CNKSR3: variants seen among roughly 807,000 people sequenced by gnomAD.
CNKSR3 encodes CNKSR family member 3, also known as connector enhancer of kinase suppressor of ras 3.
In CNKSR3, 36 loss-of-function variants were observed where a neutral mutation model predicts 67.7. That is an observed-to-expected ratio of 0.53 (90% CI 0.41 to 0.70). CNKSR3 has a LOEUF of 0.70. Ranked by LOEUF, CNKSR3 falls within the 30% of genes least tolerant of loss-of-function variation. The pLI is 0.00. For missense variants in CNKSR3, 630 were observed against 695.2 expected (o/e 0.91, Z 1.05); for synonymous variants, 281 against 271.4 (o/e 1.04, Z -0.35).
chr6:154,510,468 T>G lies in CNKSR3; in HGVS notation c.-354A>C. 4.4e-5 allele frequency: 14 copies of G among 315,582 alleles called. No homozygotes were observed. Among genetic ancestry groups the G allele is most frequent in the Middle Eastern group, 9.6e-4 (1 of 1,042 alleles). 19.5% of individuals were successfully genotyped at this position (315,582 alleles called of 1,614,324 possible). On this transcript the variant is annotated 5_prime_UTR_variant, in exon 1 of 13. Transcript: ENST00000607772. Reference sequence around the variant, plus strand: ...CGGGAGCCTCCCGGCCCGCGACCACTTCCTCGGATCTCTCGAGGCGCGATC... The same window carrying G: ...CGGGAGCCTCCCGGCCCGCGACCACGTCCTCGGATCTCTCGAGGCGCGATC...
chr6:154,424,988 T>A (rs955832821), intron 7 of CNKSR3, among the ~76,000 whole-genome samples: 1 of 152,226 alleles, frequency 6.6e-6, no homozygotes, highest in African/African-American at 2.4e-5. Context: ...GCCAGGCTGA[T>A]CTTGAACTCT....
In CNKSR3 at chr6:154,406,339, T is replaced by A. The variant is rs765250801; in HGVS notation, c.*15A>T. ...TGGGGCAGGAGCCAGGCAGGTGGCCTGAGCAGGGTCCCTCTCAGTGAGTCA... is the reference window on the plus strand; with the variant it reads ...TGGGGCAGGAGCCAGGCAGGTGGCCAGAGCAGGGTCCCTCTCAGTGAGTCA... On this transcript the variant is annotated 3_prime_UTR_variant, in exon 13 of 13. Transcript: ENST00000607772. 1 of 1,600,400 alleles carries A rather than the reference T, an allele frequency of 6.2e-7. No individual in the cohort carries two copies. Among genetic ancestry groups the A allele is most frequent in the Non-Finnish European group, 8.5e-7 (1 of 1,173,634 alleles).
At chr6:154,434,523 AAGG>A (rs1785431438) in intron 4 of CNKSR3, among the ~76,000 whole-genome samples, 1 of 152,184 alleles carries the variant, frequency 6.6e-6, no homozygotes, top group Admixed American at 6.5e-5. Flanking sequence ...ACTACTTCTG[AAGG>A]AGGAAGATGC....
At chr6:154,411,202 T>C in intron 10 of CNKSR3, 60 bp from the exon 11 acceptor site, 1 of 1,191,384 alleles carries the variant, frequency 8.4e-7, no homozygotes, top group Non-Finnish European at 1.2e-6. Flanking sequence ...TACTGAAGAA[T>C]TCCAGCAGTG....
At chr6:154,458,087 T>G (rs998009749) in intron 1 of CNKSR3, among the ~76,000 whole-genome samples, 2 of 152,198 alleles carry the variant, frequency 1.3e-5, no homozygotes, top group African/African-American at 4.8e-5. Flanking sequence ...TCTGGCTGCT[T>G]TTGTACTACA....
At chr6:154,410,706 C>A (rs1389561176) in intron 11 of CNKSR3, among the ~76,000 whole-genome samples, 1 of 152,200 alleles carries the variant, frequency 6.6e-6, no homozygotes, top group East Asian at 1.9e-4. Flanking sequence ...AAAACTGTAA[C>A]ATGATCTCAC....
chr6:154,419,393 A>G (rs1388727311), intron 9 of CNKSR3, among the ~76,000 whole-genome samples: 1 of 152,196 alleles, frequency 6.6e-6, no homozygotes, highest in African/African-American at 2.4e-5. Context: ...CAACAGAGAT[A>G]TGAAAAAATG....
intron 6 of CNKSR3, 40 bp from the exon 7 acceptor site, chr6:154,428,227 GT>G: frequency 1.5e-6 from 2 of 1,299,200 alleles, no homozygotes; most frequent in Non-Finnish European, 2.2e-6. Flanking sequence ...TTACTCCAAC[GT>G]TTAGAGACAT....
rs1271165519 is a variant in CNKSR3, at chr6:154,405,852, T to A, written c.*502A>T. The A allele has an allele frequency of 6.3e-6, 1 of 158,560 alleles. No individual in the cohort carries two copies. Among genetic ancestry groups the A allele is most frequent in the Non-Finnish European group, 1.4e-5 (1 of 71,838 alleles). 9.8% of individuals were successfully genotyped at this position (158,560 alleles called of 1,614,324 possible). A position where few individuals can be genotyped will look rare whatever the true frequency, so the allele number is the denominator to read the frequency against. On this transcript the variant is annotated 3_prime_UTR_variant, in exon 13 of 13. Transcript: ENST00000607772. ...GAGAAATCAGATACTTGCCACGTTA[T>A]TGCAAAGTCAAAGCTGCTACACTTA...
intron 1 of CNKSR3, among the ~76,000 whole-genome samples, chr6:154,509,528 T>A (rs112276205): frequency 0.016 from 2,370 of 152,304 alleles, 29 homozygotes; most frequent in Middle Eastern, 0.024. Context: ...GTGTTGGCTT[T>A]TGCGCGGCCC....
chr6:154,450,274 A>C lies in CNKSR3; in HGVS notation c.53-16T>G, dbSNP rs1350600883. ...TCATCCAACCCTGCCAAAAACAATC[A>C]GAAGTCCCATTATTGCCATTTTGTT... On this transcript the variant is annotated splice_polypyrimidine_tract_variant and intron_variant, in intron 1 of 12. Transcript: ENST00000607772. 6.2e-7 allele frequency: 1 copy of C among 1,612,310 alleles called. No homozygotes were observed. The highest frequency in any genetic ancestry group is 1.7e-5 in the Admixed American group (1 of 59,962).
At chr6:154,491,483 T>C (rs1279820850) in intron 1 of CNKSR3, among the ~76,000 whole-genome samples, 1 of 152,246 alleles carries the variant, frequency 6.6e-6, no homozygotes, top group African/African-American at 2.4e-5. Flanking sequence ...ACATATGATT[T>C]CATGGCATTC....
At chr6:154,442,594 C>G (rs1785623017) in intron 2 of CNKSR3, among the ~76,000 whole-genome samples, 1 of 152,152 alleles carries the variant, frequency 6.6e-6, no homozygotes, top group Admixed American at 6.5e-5. Flanking sequence ...TGCACTCCAG[C>G]CTGGGCAACA....
intron 4 of CNKSR3, among the ~76,000 whole-genome samples, chr6:154,438,577 C>T (rs1740531860): frequency 6.6e-6 from 1 of 152,058 alleles, no homozygotes. Flanking sequence ...TTATAAGTGA[C>T]TCGTCCAAGG....
chr6:154,458,238 C>G (rs1409275935), intron 1 of CNKSR3, among the ~76,000 whole-genome samples: 1 of 152,154 alleles, frequency 6.6e-6, no homozygotes, highest in Non-Finnish European at 1.5e-5. Flanking sequence ...CTCTGCCGAC[C>G]AGAAAAATAG....
intron 1 of CNKSR3, chr6:154,478,293 T>A (rs1200560143): frequency 6.6e-6 from 1 of 152,576 alleles, no homozygotes; most frequent in South Asian, 2.1e-4. Flanking sequence ...TGCATTTGCA[T>A]TTGCTCTTCT....
At chr6:154,422,697 C>T (rs762671090) in intron 8 of CNKSR3, 45 bp from the exon 9 acceptor site, 22 of 1,594,636 alleles carry the variant, frequency 1.4e-5, no homozygotes, top group South Asian at 8.9e-5. Flanking sequence ...TCATGAATAA[C>T]GAAAAAAACC....
At position 154,471,823 on chromosome 6, in the gene CNKSR3, C is replaced by A. The variant is rs568942996; in HGVS notation, c.53-21565G>T. ...CTCACTTTGAGAGACCCTGCCATAA[C>A]GCTTCAGGAAATGCCAGTCCTGAAA... On this transcript the variant is annotated intron_variant, in intron 1 of 12. Coordinates refer to ENST00000607772, the MANE Select transcript of CNKSR3 (RefSeq NM_173515.4). 5.9e-5 allele frequency among the ~76,000 whole-genome samples: 9 copies of A among 152,224 alleles called. No homozygotes were observed. In the South Asian group the frequency reaches 1.5e-3, roughly 25 times the overall value.
At chr6:154,473,499 C>T (rs940775929) in intron 1 of CNKSR3, among the ~76,000 whole-genome samples, 5 of 152,110 alleles carry the variant, frequency 3.3e-5, no homozygotes, top group African/African-American at 1.2e-4. Flanking sequence ...AGCAATGACC[C>T]CTGCCTCCAC....
Sources: allele counts gnomAD v4.1 joint callset (sites outside exome capture counted in the v4.1 genomes callset), GRCh38; gene constraint gnomAD v4.1.1; transcripts MANE v1.5; gene names NCBI Gene and HGNC (gene_info 2026-07-23, HGNC 2026-07-21).